Variants in NECTIN1 observed in about 807,000 individuals in gnomAD.
NECTIN1 encodes nectin cell adhesion molecule 1.
In NECTIN1, 23 loss-of-function variants were observed where a neutral mutation model predicts 48.0. That is an observed-to-expected ratio of 0.48 (90% CI 0.34 to 0.68). The LOEUF (loss-of-function observed/expected upper bound fraction) is 0.68, where lower values mean the gene tolerates loss of function less well. Among genes scored for constraint, NECTIN1 ranks in the 30% least tolerant of loss-of-function variants. NECTIN1 has a pLI of 0.01. For synonymous variants in NECTIN1, 270 were observed against 288.9 expected, an observed-to-expected ratio of 0.93 and a Z score of 0.66; for missense variants, 591 against 709.9, an observed-to-expected ratio of 0.83 and a Z score of 1.90.
chr11:119,665,081 T>C lies in NECTIN1; in HGVS notation c.1220A>G (p.Gln407Arg), dbSNP rs949730836. The change falls in exon 6 of 6, where the codon CAG (glutamine) becomes CGG (arginine). Residue 407 changes from glutamine to arginine, a missense_variant. Coordinates refer to ENST00000264025, the MANE Select transcript of NECTIN1 (RefSeq NM_002855.5). The surrounding 1 kb of genome is among the most constrained non-coding windows in gnomAD (Gnocchi z 5.1). ...GNGYSKAGIPQHHPPMAQNLQ... is the reference protein window; with the variant it reads ...GNGYSKAGIPRHHPPMAQNLQ... ...GTTCTGTGCCATTGGTGGGTGGTGCTGGGGGATGCCTGCCTTGCTGTAGCC... is the reference window on the plus strand; with the variant it reads ...GTTCTGTGCCATTGGTGGGTGGTGCCGGGGGATGCCTGCCTTGCTGTAGCC... The C allele has an allele frequency of 6.2e-7, 1 of 1,614,028 alleles. No homozygotes were observed. Among genetic ancestry groups the C allele is most frequent in the Non-Finnish European group, 8.5e-7 (1 of 1,179,976 alleles).
chr11:119,693,659 T>C (rs1384173100), intron 1 of NECTIN1, among the ~76,000 whole-genome samples: 1 of 152,172 alleles, frequency 6.6e-6, no homozygotes, highest in East Asian at 1.9e-4. Flanking sequence ...GTTGGGGCAC[T>C]GGGGTCCTGG....
chr11:119,701,402 CACAA>C (rs1238324956), intron 1 of NECTIN1, among the ~76,000 whole-genome samples: 4 of 152,294 alleles, frequency 2.6e-5, no homozygotes, highest in African/African-American at 9.6e-5. Flanking sequence ...ATTGAAGTGA[CACAA>C]ACACAGAGAG....
chr11:119,702,452 C>T (rs1025133542), intron 1 of NECTIN1, among the ~76,000 whole-genome samples: 1 of 152,234 alleles, frequency 6.6e-6, no homozygotes, highest in African/African-American at 2.4e-5. Flanking sequence ...GTGGCTGAGG[C>T]CATCTGTGTA....
exon 7 of NECTIN1, chr11:119,638,776 C>T (rs2135521145): frequency 6.2e-7 from 1 of 1,614,048 alleles, no homozygotes; most frequent in African/African-American, 1.3e-5. Flanking sequence ...TGGGAGAAGG[C>T]TCCGGCTTCT....
intron 5 of NECTIN1, among the ~76,000 whole-genome samples, chr11:119,652,051 G>A (rs962833637): frequency 1.2e-4 from 19 of 152,064 alleles, no homozygotes; most frequent in African/African-American, 4.1e-4. Context: ...CCTCCCTCCC[G>A]CCGGCTGCCA....
chr11:119,716,131 T>C (rs953664991), intron 1 of NECTIN1, among the ~76,000 whole-genome samples: 1 of 152,098 alleles, frequency 6.6e-6, no homozygotes, highest in Non-Finnish European at 1.5e-5. Flanking sequence ...CCTGCCCAGG[T>C]GATCATCTGG....
rs1591493736 is a variant in NECTIN1 at position 119,727,077 on chromosome 11, CT to C, written c.79+1397del. ...ACGGGTGGAGGCACCCCAGTACTGG[CT>C]TTCACAAACTGCTTCCCAGACATCC... On this transcript the variant is annotated intron_variant, in intron 1 of 5. Coordinates refer to ENST00000264025, the MANE Select transcript of NECTIN1 (RefSeq NM_002855.5). The surrounding 1 kb of genome is among the most constrained non-coding windows in gnomAD (Gnocchi z 4.1). Among the ~76,000 whole-genome samples the C allele has an allele frequency of 6.6e-6, 1 of 152,154 alleles. No homozygotes were observed. The highest frequency in any genetic ancestry group is 2.4e-5 in the African/African-American group (1 of 41,422).
chr11:119,648,785 C>G (rs1206934275), intron 5 of NECTIN1, among the ~76,000 whole-genome samples: 1 of 151,982 alleles, frequency 6.6e-6, no homozygotes, highest in Non-Finnish European at 1.5e-5. Flanking sequence ...GGCCACTGCA[C>G]AGGGACTCCC....
At chr11:119,646,083 A>G (rs1339401153) in intron 5 of NECTIN1, among the ~76,000 whole-genome samples, 4 of 152,094 alleles carry the variant, frequency 2.6e-5, no homozygotes, top group Non-Finnish European at 5.9e-5. Flanking sequence ...CTCTTCCTCT[A>G]GCCTGGACTG....
intron 1 of NECTIN1, among the ~76,000 whole-genome samples, chr11:119,722,135 C>A (rs759462839): frequency 1.3e-5 from 2 of 152,254 alleles, no homozygotes. Flanking sequence ...AATTTGGCCA[C>A]AAGAGCATAA....
At position 119,673,085 on chromosome 11, in the gene NECTIN1, G is replaced by C. The variant is rs865828508; in HGVS notation, c.1003+2074C>G. ...TCGCTCATGCATTCCCTCTGGACCA[G>C]TGGGGCTTAGAGCAAGGGCATGGCT... On this transcript the variant is annotated intron_variant, in intron 5 of 5. Coordinates refer to ENST00000264025, the MANE Select transcript of NECTIN1 (RefSeq NM_002855.5). This position sits in a 1 kb window ranked among gnomAD's most constrained non-coding sequence, Gnocchi z 5.8. Among the ~76,000 whole-genome samples the C allele has an allele frequency of 6.6e-5, 10 of 152,246 alleles. No individual in the cohort carries two copies. Among genetic ancestry groups the C allele is most frequent in the African/African-American group, 2.4e-4 (10 of 41,468 alleles).
At chr11:119,713,390 A>G (rs944673694) in intron 1 of NECTIN1, among the ~76,000 whole-genome samples, 1 of 151,930 alleles carries the variant, frequency 6.6e-6, no homozygotes, top group Admixed American at 6.5e-5. Flanking sequence ...GGAAGAAAAA[A>G]CCATCCATGA....
chr11:119,655,371 A>G (rs1864555981), intron 5 of NECTIN1, among the ~76,000 whole-genome samples: 1 of 152,198 alleles, frequency 6.6e-6, no homozygotes, highest in Non-Finnish European at 1.5e-5. Flanking sequence ...ATTCTACACC[A>G]GAGGCGTCCA....
chr11:119,673,804 TC>T lies in NECTIN1; in HGVS notation c.1003+1354del. 6.6e-6 allele frequency among the ~76,000 whole-genome samples: 1 copy of T among 152,294 alleles called. No homozygotes were observed. The highest frequency in any genetic ancestry group is 3.4e-3 in the Middle Eastern group (1 of 294). On this transcript the variant is annotated intron_variant, in intron 5 of 5. Transcript: ENST00000264025. The surrounding 1 kb of genome is among the most constrained non-coding windows in gnomAD (Gnocchi z 5.8). ...CTCATTTTGAGCTGTACTTGGACCTTCCCCGCTGGGGAGAAGTGTGTGACAC... is the reference window on the plus strand; with the variant it reads ...CTCATTTTGAGCTGTACTTGGACCTTCCCGCTGGGGAGAAGTGTGTGACAC...
chr11:119,707,426 C>T (rs1447057947), intron 1 of NECTIN1, among the ~76,000 whole-genome samples: 2 of 152,296 alleles, frequency 1.3e-5, no homozygotes, highest in African/African-American at 4.8e-5. Flanking sequence ...TGGCCGTTCC[C>T]CATTCCCCTC....
Position 119,661,095 on chromosome 11 carries a change from A to T in NECTIN1, c.*3652T>A. 9 of 984,472 alleles carry T rather than the reference A, an allele frequency of 9.1e-6. No individual in the cohort carries two copies. The highest frequency in any genetic ancestry group is 1.1e-5 in the Non-Finnish European group (9 of 829,060). 61.0% of individuals were successfully genotyped at this position (984,472 alleles called of 1,614,324 possible). On this transcript the variant is annotated 3_prime_UTR_variant, in exon 6 of 6. Transcript: ENST00000264025. The stretch of plus-strand genomic sequence containing the variant: ...ACAAGTAAAAGGGGGTGATGCAAAC[A>T]CCCCCCAGGTCAGAACCAGGAGGAT...
intron 1 of NECTIN1, among the ~76,000 whole-genome samples, chr11:119,718,901 A>G (rs1222844726): frequency 1.3e-5 from 2 of 152,222 alleles, no homozygotes; most frequent in African/African-American, 4.8e-5. Context: ...AGATTTTGTA[A>G]TATCTGTATA....
chr11:119,716,150 G>A (rs528293533), intron 1 of NECTIN1, among the ~76,000 whole-genome samples: 3 of 152,158 alleles, frequency 2.0e-5, no homozygotes, highest in Admixed American at 6.5e-5. Context: ...GGGTTGGGGG[G>A]GCGGATCTCC....
chr11:119,705,553 C>T (rs1051522662), intron 1 of NECTIN1, among the ~76,000 whole-genome samples: 1 of 152,206 alleles, frequency 6.6e-6, no homozygotes, highest in Non-Finnish European at 1.5e-5. Context: ...GGTGCAAAGG[C>T]CCCGTGGCGG....
Sources: gnomAD v4.1 joint callset for allele counts (sites outside exome capture counted in the v4.1 genomes callset) on GRCh38, gnomAD v4.1.1 for gene constraint, Gnocchi (gnomAD v3.1) non-coding constraint, MANE v1.5 for transcripts, NCBI Gene and HGNC (gene_info 2026-07-23, HGNC 2026-07-21) for gene names.